The following GRIA1 variants were observed in gnomAD, a reference collection of about 807,000 sequenced individuals.
GRIA1 encodes glutamate receptor 1.
GRIA1 carries 31 observed loss-of-function variants against 99.2 expected under a neutral mutation model. The observed-to-expected ratio is 0.31, with a 90% CI of 0.23 to 0.42. GRIA1 has a LOEUF of 0.42. GRIA1 is among the 10% of genes least tolerant of loss of function. The probability of loss-of-function intolerance (pLI) is 1.00; values close to 1 mark genes in which losing one functional copy is unlikely to be tolerated. For missense variants in GRIA1, 782 were observed against 1,157.5 expected (o/e 0.68, Z 4.71); for synonymous variants, 438 against 432.4 (o/e 1.01, Z -0.16).
intron 5 of GRIA1, among the ~76,000 whole-genome samples, chr5:153,668,564 C>G (rs1581434839): frequency 6.6e-6 from 1 of 152,158 alleles, no homozygotes. Flanking sequence ...TGGCTACTTT[C>G]ATGCTGCAAT....
chr5:153,705,093 A>G (rs958435538), intron 10 of GRIA1, among the ~76,000 whole-genome samples: 3 of 152,226 alleles, frequency 2.0e-5, no homozygotes, highest in Non-Finnish European at 4.4e-5. Flanking sequence ...CTCTGTGTCA[A>G]TACAGAGGGA....
At chr5:153,547,116 G>T (rs950432887) in intron 2 of GRIA1, among the ~76,000 whole-genome samples, 3 of 152,172 alleles carry the variant, frequency 2.0e-5, no homozygotes, top group Admixed American at 2.0e-4. Context: ...ACACGGCTTT[G>T]AATGAGGCCC....
intron 2 of GRIA1, among the ~76,000 whole-genome samples, chr5:153,606,597 A>G (rs1305705291): frequency 6.6e-6 from 1 of 152,004 alleles, no homozygotes; most frequent in Non-Finnish European, 1.5e-5. Flanking sequence ...AGTTTTCAGT[A>G]CAGATCTTTT....
chr5:153,573,882 A>G (rs1422493974), intron 2 of GRIA1, among the ~76,000 whole-genome samples: 1 of 152,182 alleles, frequency 6.6e-6, no homozygotes, highest in Admixed American at 6.6e-5. Context: ...TCCCAGTCCA[A>G]CCTTCTGTGA....
At chr5:153,600,235 C>CATA (rs1554102065) in intron 2 of GRIA1, among the ~76,000 whole-genome samples, 1 of 151,304 alleles carries the variant, frequency 6.6e-6, no homozygotes, top group Admixed American at 6.6e-5. Flanking sequence ...ACTAAAAATA[C>CATA]AAAAAAACTA....
At chr5:153,805,443 C>T (rs1333684511) in intron 15 of GRIA1, among the ~76,000 whole-genome samples, 1 of 152,034 alleles carries the variant, frequency 6.6e-6, no homozygotes, top group Non-Finnish European at 1.5e-5. Flanking sequence ...GGGAGCTGCT[C>T]TTAGTTAAAG....
intron 2 of GRIA1, among the ~76,000 whole-genome samples, chr5:153,592,319 A>T (rs1764043796): frequency 6.6e-6 from 1 of 152,214 alleles, no homozygotes; most frequent in Admixed American, 6.5e-5. Flanking sequence ...GACAGCATAG[A>T]TGAATTCTAC....
intron 2 of GRIA1, among the ~76,000 whole-genome samples, chr5:153,495,145 A>G (rs930046047): frequency 3.3e-5 from 5 of 152,234 alleles, no homozygotes; most frequent in African/African-American, 4.8e-5. Context: ...TACAAATTCC[A>G]AGAACTATAA....
At chr5:153,674,753 A>G (rs1246562198) in intron 6 of GRIA1, 92 bp downstream of exon 6, 2 of 1,329,032 alleles carry the variant, frequency 1.5e-6, no homozygotes, top group South Asian at 1.4e-5. Flanking sequence ...CAAAGGAATC[A>G]GTTTTCTAAA....
intron 2 of GRIA1, among the ~76,000 whole-genome samples, chr5:153,619,240 C>T (rs1331329251): frequency 2.0e-5 from 3 of 152,142 alleles, no homozygotes; most frequent in Non-Finnish European, 4.4e-5. Context: ...GCCATGTCTC[C>T]TATGAGTTAT....
chr5:153,603,631 C>G (rs1765197838), intron 2 of GRIA1, among the ~76,000 whole-genome samples: 1 of 152,210 alleles, frequency 6.6e-6, no homozygotes, highest in Non-Finnish European at 1.5e-5. Flanking sequence ...ATCGACATCT[C>G]TGCTCTAGAA....
chr5:153,736,526 C>A (rs2149567047), intron 11 of GRIA1, among the ~76,000 whole-genome samples: 1 of 152,304 alleles, frequency 6.6e-6, no homozygotes, highest in East Asian at 1.9e-4. Flanking sequence ...TCCTGTTTAT[C>A]AAGGAGACAG....
intron 2 of GRIA1, among the ~76,000 whole-genome samples, chr5:153,624,463 A>T (rs2149426656): frequency 6.6e-6 from 1 of 152,266 alleles, no homozygotes; most frequent in South Asian, 2.1e-4. Flanking sequence ...CCAGTTTCTC[A>T]CTGATCCTCC....
chr5:153,563,291 G>A (rs1049185297), intron 2 of GRIA1, among the ~76,000 whole-genome samples: 1 of 152,092 alleles, frequency 6.6e-6, no homozygotes, highest in African/African-American at 2.4e-5. Context: ...TGCCCTCTGA[G>A]AGTTATTTTC....
At chr5:153,676,103 C>T (rs1756561117) in intron 6 of GRIA1, among the ~76,000 whole-genome samples, 2 of 152,252 alleles carry the variant, frequency 1.3e-5, no homozygotes, top group African/African-American at 2.4e-5. Flanking sequence ...GTGATCCACC[C>T]ATCTCAGCCT....
intron 2 of GRIA1, among the ~76,000 whole-genome samples, chr5:153,612,642 G>A (rs1339514854): frequency 6.6e-6 from 1 of 152,240 alleles, no homozygotes; most frequent in African/African-American, 2.4e-5. Context: ...GAAGTAGTTA[G>A]GAGAATATGA....
At chr5:153,602,867 CA>C (rs1765108932) in intron 2 of GRIA1, among the ~76,000 whole-genome samples, 2 of 152,154 alleles carry the variant, frequency 1.3e-5, no homozygotes, top group African/African-American at 4.8e-5. Flanking sequence ...CTAATAGTCA[CA>C]ACCCTTAAGT....
At chr5:153,568,702 T>C (rs929744874) in intron 2 of GRIA1, among the ~76,000 whole-genome samples, 4 of 152,178 alleles carry the variant, frequency 2.6e-5, no homozygotes, top group Non-Finnish European at 5.9e-5. Context: ...CCTCACTAAT[T>C]TGTACCTAGC....
intron 2 of GRIA1, among the ~76,000 whole-genome samples, chr5:153,584,862 A>C (rs1763335141): frequency 6.6e-6 from 1 of 152,222 alleles, no homozygotes; most frequent in Non-Finnish European, 1.5e-5. Flanking sequence ...TCTGCAGTCC[A>C]TGATAATACA....
Sources: allele counts gnomAD v4.1 joint callset (sites outside exome capture counted in the v4.1 genomes callset), GRCh38; gene constraint gnomAD v4.1.1; transcripts MANE v1.5; gene names NCBI Gene and HGNC (gene_info 2026-07-23, HGNC 2026-07-21).